The following WBP2NL variants were observed in gnomAD, a reference collection of about 807,000 sequenced individuals.
WBP2NL encodes postacrosomal sheath WW domain-binding protein.
WBP2NL carries 27 observed loss-of-function variants against 23.3 expected under a neutral mutation model. That is an observed-to-expected ratio of 1.16 (90% CI 0.85 to 1.60). WBP2NL has a LOEUF of 1.60. WBP2NL is among the 40% of genes most tolerant of loss of function. The pLI is 0.00. For synonymous variants in WBP2NL, 151 were observed against 145.9 expected, an observed-to-expected ratio of 1.03 and a Z score of -0.25; for missense variants, 370 against 389.5, an observed-to-expected ratio of 0.95 and a Z score of 0.42.
rs1415279407 is a variant in WBP2NL at position 42,027,923 on chromosome 22, G to A, written c.*742G>A. 3.3e-5 allele frequency: 13 copies of A among 398,288 alleles called. No homozygotes were observed. The Admixed American group carries it at 4.0e-4, about 12-fold the overall frequency. The allele number at this position is 398,288 out of a possible 1,614,324, so 24.7% of individuals were successfully genotyped here. Reference sequence around the variant, plus strand: ...CAAGGCAATAGCATGGCCAGAAAACGTTTGAAAAGATGTTCAGCTTGACTA... The same window carrying A: ...CAAGGCAATAGCATGGCCAGAAAACATTTGAAAAGATGTTCAGCTTGACTA... On this transcript the variant is annotated 3_prime_UTR_variant, in exon 6 of 6. Transcript: ENST00000328823.
intron 1 of WBP2NL, among the ~76,000 whole-genome samples, chr22:42,003,790 AAAGAT>A (rs1168973483): frequency 1.3e-5 from 2 of 152,226 alleles, no homozygotes; most frequent in Admixed American, 6.5e-5. Context: ...AGGCACTAAG[AAAGAT>A]AAGATATCAA....
downstream of WBP2NL, chr22:42,032,736 G>T: frequency 2.1e-6 from 1 of 470,386 alleles, no homozygotes; most frequent in South Asian, 1.6e-5. Context: ...ACCATGGACT[G>T]CTAGAGAATA....
At chr22:42,017,555 T>C (rs974224928) in intron 1 of WBP2NL, among the ~76,000 whole-genome samples, 1 of 152,256 alleles carries the variant, frequency 6.6e-6, no homozygotes, top group African/African-American at 2.4e-5. Flanking sequence ...ATTTATATTA[T>C]GTATGTCATA....
At chr22:42,030,144 TCTC>T (rs1261982068), downstream of WBP2NL, 1 of 152,230 alleles carries the variant, frequency 6.6e-6, no homozygotes, top group African/African-American at 2.4e-5. Flanking sequence ...ATGGACATAA[TCTC>T]CAAGAAGGAG....
chr22:42,026,641 C>T lies in WBP2NL; in HGVS notation c.515-125C>T, dbSNP rs574682182. ...TGATAGCTAGAGGAAATAGCTTTAG[C>T]ATTATTCTGCCTGACTTCTCTTCTT... On this transcript the variant is annotated intron_variant, in intron 5 of 5. Transcript: ENST00000328823. 1.3e-5 allele frequency: 18 copies of T among 1,433,664 alleles called. No individual in the cohort carries two copies. The South Asian group carries it at 2.2e-4, about 17-fold the overall frequency. 88.8% of individuals were successfully genotyped at this position (1,433,664 alleles called of 1,614,324 possible). A position where few individuals can be genotyped will look rare whatever the true frequency, so the allele number is the denominator to read the frequency against.
chr22:42,048,891 T>G (rs1183688716), intron 8 of WBP2NL, among the ~76,000 whole-genome samples: 1 of 151,742 alleles, frequency 6.6e-6, no homozygotes, highest in Non-Finnish European at 1.5e-5. Context: ...TGGTGGCAAA[T>G]GAGATGCTTT....
chr22:42,020,886 A>G lies in WBP2NL; in HGVS notation c.406+790A>G, dbSNP rs1255542097. The stretch of plus-strand genomic sequence containing the variant: ...TGTGTGTGTATATATATATATATAT[A>G]TATATATATATATATATATATATTT... On this transcript the variant is annotated intron_variant, in intron 4 of 5. Transcript: ENST00000328823. Among the ~76,000 whole-genome samples the G allele has an allele frequency of 1.8e-3, 81 of 46,188 alleles. 1 individual carries two copies. Among genetic ancestry groups the G allele is most frequent in the African/African-American group, 6.6e-3 (66 of 9,984 alleles). The allele number at this position is 46,188 out of a possible 152,430, so 30.3% of individuals were successfully genotyped here. A position where few individuals can be genotyped will look rare whatever the true frequency, so the allele number is the denominator to read the frequency against.
At chr22:42,035,309 G>T (rs1317853177), downstream of WBP2NL, among the ~76,000 whole-genome samples, 1 of 152,260 alleles carries the variant, frequency 6.6e-6, no homozygotes, top group East Asian at 1.9e-4. Flanking sequence ...AAGGATGCCT[G>T]GGTCTGCAGC....
At chr22:42,004,012 C>T (rs1485871100) in intron 1 of WBP2NL, among the ~76,000 whole-genome samples, 1 of 152,238 alleles carries the variant, frequency 6.6e-6, no homozygotes, top group Non-Finnish European at 1.5e-5. Context: ...TGGCTCACGC[C>T]TGCAGTCCCA....
intron 1 of WBP2NL, among the ~76,000 whole-genome samples, chr22:42,003,910 T>C (rs1921955372): frequency 6.6e-6 from 1 of 152,224 alleles, no homozygotes; most frequent in African/African-American, 2.4e-5. Context: ...GGTGAAACCA[T>C]TGATGCTTTA....
intron 1 of WBP2NL, among the ~76,000 whole-genome samples, chr22:42,007,456 T>G (rs1922357064): frequency 1.3e-5 from 2 of 152,304 alleles, no homozygotes; most frequent in African/African-American, 4.8e-5. Flanking sequence ...TATTGCAGAA[T>G]TGCCCTACAG....
chr22:42,055,106 C>T (rs1007667822), intron 8 of WBP2NL, among the ~76,000 whole-genome samples: 3 of 152,026 alleles, frequency 2.0e-5, no homozygotes, highest in Non-Finnish European at 4.4e-5. Context: ...ATGGTGTGAT[C>T]TCAGCTCACT....
At chr22:42,023,353 C>T (rs1165354625) in intron 5 of WBP2NL, among the ~76,000 whole-genome samples, 1 of 152,046 alleles carries the variant, frequency 6.6e-6, no homozygotes, top group African/African-American at 2.4e-5. Context: ...CCACCATGCC[C>T]GGCTAATTTT....
chr22:42,000,176 C>G (rs1038807351), intron 1 of WBP2NL, among the ~76,000 whole-genome samples: 1 of 152,196 alleles, frequency 6.6e-6, no homozygotes, highest in African/African-American at 2.4e-5. Flanking sequence ...TCAGGAAGAT[C>G]GAAGTAGACG....
rs1602454352 is a variant in WBP2NL, at chr22:42,017,340, C to A, written c.63-1971C>A. ...ATGTTGGTCAAGCTGGTCTCTAACT[C>A]CCCAAATGATCCGCCAGCCTCGGCC... On this transcript the variant is annotated intron_variant, in intron 1 of 5. Coordinates refer to ENST00000328823, the MANE Select transcript of WBP2NL (RefSeq NM_152613.3). Among the ~76,000 whole-genome samples, 4 of 152,256 alleles carry A rather than the reference C, an allele frequency of 2.6e-5. 1 individual carries two copies. In the South Asian group the frequency reaches 8.3e-4, roughly 32 times the overall value.
At chr22:41,999,162 C>T (rs1230969733) in intron 1 of WBP2NL, among the ~76,000 whole-genome samples, 2 of 74,018 alleles carry the variant, frequency 2.7e-5, no homozygotes, top group African/African-American at 5.0e-5. Flanking sequence ...CAGGGCGGGG[C>T]GGGGAGGGGG....
chr22:42,038,587 T>C (rs9620013), intron 8 of WBP2NL, among the ~76,000 whole-genome samples: 11,583 of 152,156 alleles, frequency 0.076, 1,511 homozygotes, highest in African/African-American at 0.26. Flanking sequence ...CCATCCGGTC[T>C]TGGGCATTTC....
chr22:42,014,905 C>T (rs1191210492), intron 1 of WBP2NL, among the ~76,000 whole-genome samples: 3 of 152,138 alleles, frequency 2.0e-5, no homozygotes, highest in Non-Finnish European at 4.4e-5. Context: ...TCCTTTAACT[C>T]TTTGAGTATA....
chr22:42,025,937 G>T (rs1272764678), intron 5 of WBP2NL, among the ~76,000 whole-genome samples: 1 of 152,106 alleles, frequency 6.6e-6, no homozygotes, highest in East Asian at 1.9e-4. Flanking sequence ...ACAATATGAA[G>T]ACATTTCTTA....
Sources: allele counts gnomAD v4.1 joint callset (sites outside exome capture counted in the v4.1 genomes callset), GRCh38; gene constraint gnomAD v4.1.1; transcripts MANE v1.5; gene names NCBI Gene and HGNC (gene_info 2026-07-23, HGNC 2026-07-21).